The following ANXA11 variants were observed in gnomAD, a reference collection of about 807,000 sequenced individuals.
ANXA11 encodes 56 kDa autoantigen.
In ANXA11, 57 loss-of-function variants were observed where a neutral mutation model predicts 64.7. The ratio of observed to expected loss-of-function variants is 0.88; its 90% confidence interval spans 0.71 to 1.10. ANXA11 has a LOEUF of 1.10. ANXA11 is among the 50% of genes least tolerant of loss of function. The pLI is 0.00. For synonymous variants in ANXA11, 260 were observed against 265.2 expected (o/e 0.98, Z 0.19); for missense variants, 675 against 670.7 (o/e 1.01, Z -0.07).
rs111252488 is a variant in ANXA11, at chr10:80,191,591, C to CA, written c.-58+13751dup. Among the ~76,000 whole-genome samples the CA allele has an allele frequency of 6.6e-3, 1,004 of 152,022 alleles. 5 individuals are homozygous for CA. The highest frequency in any genetic ancestry group is 0.01 in the Middle Eastern group (3 of 292). ...GGGAAATATTAAACCACCAAGACTACAAAAAAAACCCTTTCCAACGGCACA... is the reference window on the plus strand; with the variant it reads ...GGGAAATATTAAACCACCAAGACTACAAAAAAAAACCCTTTCCAACGGCACA... On this transcript the variant is annotated intron_variant, in intron 1 of 15. Transcript: ENST00000422982.
intron 4 of ANXA11, among the ~76,000 whole-genome samples, chr10:80,169,607 C>CCA (rs1277546199): frequency 6.6e-6 from 1 of 152,170 alleles, no homozygotes; most frequent in Non-Finnish European, 1.5e-5. Flanking sequence ...CCTTCCCTCT[C>CCA]CACATGGTTG....
chr10:80,166,014 ACG>A (rs1564606143), intron 8 of ANXA11, 68 bp downstream of exon 8: 26 of 987,014 alleles, frequency 2.6e-5, no homozygotes, highest in Non-Finnish European at 3.4e-5. Flanking sequence ...GTGTGTCCAC[ACG>A]CATGCGCGCG....
chr10:80,190,307 T>G (rs981798665), intron 1 of ANXA11, among the ~76,000 whole-genome samples: 2 of 152,336 alleles, frequency 1.3e-5, no homozygotes, highest in African/African-American at 4.8e-5. Context: ...GTTGCATGGT[T>G]TTAAGCCACA....
intron 6 of ANXA11, 95 bp from the exon 7 acceptor site, chr10:80,167,079 C>A (rs1845775253): frequency 1.6e-6 from 2 of 1,268,092 alleles, no homozygotes; most frequent in Non-Finnish European, 2.2e-6. Flanking sequence ...CTGTTCTGGG[C>A]ATGCTAGCCA....
At chr10:80,187,039 A>G (rs1034491607) in intron 1 of ANXA11, among the ~76,000 whole-genome samples, 1 of 152,258 alleles carries the variant, frequency 6.6e-6, no homozygotes, top group Non-Finnish European at 1.5e-5. Flanking sequence ...CTCGCAGGCC[A>G]GCACGTGATG....
chr10:80,160,537 C>T (rs1055808738), intron 12 of ANXA11, among the ~76,000 whole-genome samples: 5 of 152,166 alleles, frequency 3.3e-5, no homozygotes, highest in East Asian at 1.9e-4. Flanking sequence ...CCAGTTGCTC[C>T]GTGTGGTCAC....
Position 80,164,045 on chromosome 10 carries a change from G to A in ANXA11, c.949+8C>T, listed in dbSNP as rs201628285. ...GCAGAGGGCAGAGGGCAGAGGGAGC[G>A]GCCTCACCTGCTTTGTAGGCTCTGT... On this transcript the variant is annotated splice_region_variant and intron_variant, in intron 9 of 15. Transcript: ENST00000422982. The A allele has an allele frequency of 8.2e-5, 132 of 1,612,450 alleles. No homozygotes were observed. Among genetic ancestry groups the A allele is most frequent in the East Asian group, 1.8e-4 (8 of 44,864 alleles).
chr10:80,185,114 G>T (rs1846492167), intron 1 of ANXA11, among the ~76,000 whole-genome samples: 2 of 152,210 alleles, frequency 1.3e-5, no homozygotes, highest in Admixed American at 1.3e-4. Flanking sequence ...CCCACAATAT[G>T]CATTTTGGCC....
At chr10:80,180,697 CAATTT>C (rs1846324119) in intron 1 of ANXA11, among the ~76,000 whole-genome samples, 1 of 151,390 alleles carries the variant, frequency 6.6e-6, no homozygotes. Context: ...CACACACACA[CAATTT>C]ATTTTTTAAA....
rs1840631837 is a variant in ANXA11, at chr10:80,205,386, G to A, written c.-101C>T. ...GACGCGAGGGGCGAAATGGGACGTGGGCGGGAGTGGCTCTCTCCGCGGGCG... is the reference window on the plus strand; with the variant it reads ...GACGCGAGGGGCGAAATGGGACGTGAGCGGGAGTGGCTCTCTCCGCGGGCG... On this transcript the variant is annotated 5_prime_UTR_variant, in exon 1 of 16. Transcript: ENST00000422982. The A allele has an allele frequency of 6.6e-6, 1 of 152,040 alleles. No homozygotes were observed. Among genetic ancestry groups the A allele is most frequent in the Admixed American group, 6.6e-5 (1 of 15,248 alleles). 9.4% of individuals were successfully genotyped at this position (152,040 alleles called of 1,614,324 possible). A position where few individuals can be genotyped will look rare whatever the true frequency, so the allele number is the denominator to read the frequency against.
intron 12 of ANXA11, among the ~76,000 whole-genome samples, 165 bp downstream of exon 12, chr10:80,161,770 G>A (rs1451884862): frequency 6.6e-6 from 1 of 152,236 alleles, no homozygotes. Flanking sequence ...CAGAACTCAG[G>A]AAACCCTCTG....
chr10:80,171,593 G>C, intron 3 of ANXA11: 1 of 977,786 alleles, frequency 1.0e-6, no homozygotes, highest in Non-Finnish European at 1.2e-6. Flanking sequence ...AGACTGCTGT[G>C]ACGAAGACTG....
At chr10:80,196,884 C>T (rs541485094) in intron 1 of ANXA11, among the ~76,000 whole-genome samples, 1 of 152,330 alleles carries the variant, frequency 6.6e-6, no homozygotes, top group East Asian at 1.9e-4. Flanking sequence ...GGCAGCTCAG[C>T]CTGGAGAAAC....
intron 15 of ANXA11, chr10:80,157,095 G>A: frequency 2.0e-6 from 2 of 976,986 alleles, no homozygotes; most frequent in Non-Finnish European, 2.4e-6. Context: ...ACATTCCCAG[G>A]AAGGAACGAT....
intron 2 of ANXA11, among the ~76,000 whole-genome samples, chr10:80,175,247 A>T (rs567632093): frequency 6.6e-6 from 1 of 152,210 alleles, no homozygotes; most frequent in Non-Finnish European, 1.5e-5. Flanking sequence ...AATCTGGGGG[A>T]TGTAAATGAC....
intron 1 of ANXA11, among the ~76,000 whole-genome samples, chr10:80,178,025 C>T (rs1039976336): frequency 1.5e-4 from 23 of 152,074 alleles, no homozygotes; most frequent in Admixed American, 5.2e-4. Flanking sequence ...TAACTGTGAC[C>T]TCTGCATTTT....
At chr10:80,168,013 G>C (rs903369391) in intron 5 of ANXA11, among the ~76,000 whole-genome samples, 8 of 152,126 alleles carry the variant, frequency 5.3e-5, no homozygotes, top group Admixed American at 3.3e-4. Context: ...GGCACAGGGT[G>C]GGGGAACGTG....
intron 6 of ANXA11, 62 bp downstream of exon 6, chr10:80,167,164 A>G: frequency 1.3e-6 from 2 of 1,546,844 alleles, no homozygotes; most frequent in Non-Finnish European, 8.9e-7. Context: ...ACAGAGCCAC[A>G]GTGAAACTGC....
Position 80,155,863 on chromosome 10 carries a change from C to A in ANXA11, c.1508G>T (p.Gly503Val). ...YRKILLKICG[G>V]ND The stretch of plus-strand genomic sequence containing the variant: ...GCCACCAGTCACTGTTCAGTCATTG[C>A]CACCACAGATCTTCAGCAGAATCTT... The change falls in exon 16 of 16, where the codon GGC becomes GTC. Residue 503 changes from glycine to valine, a missense_variant. Physicochemically the swap from Gly to Val is moderately radical, Grantham distance 109 (BLOSUM62 -3). Coordinates refer to ENST00000422982, the MANE Select transcript of ANXA11 (RefSeq NM_145868.2). 2 of 1,614,186 alleles carry A rather than the reference C, an allele frequency of 1.2e-6. No homozygotes were observed. The highest frequency in any genetic ancestry group is 1.7e-6 in the Non-Finnish European group (2 of 1,180,012).
Sources: allele counts gnomAD v4.1 joint callset (sites outside exome capture counted in the v4.1 genomes callset), GRCh38; gene constraint gnomAD v4.1.1; transcripts MANE v1.5; gene names NCBI Gene and HGNC (gene_info 2026-07-23, HGNC 2026-07-21).